The following CAST variants were observed in gnomAD, a reference collection of about 807,000 sequenced individuals.
CAST encodes the protein MIR583 host.
CAST carries 76 observed loss-of-function variants against 119.6 expected under a neutral mutation model. That is an observed-to-expected ratio of 0.64 (90% CI 0.53 to 0.77). CAST has a LOEUF of 0.77. Ranked by LOEUF, CAST falls within the 30% of genes least tolerant of loss-of-function variation. CAST has a pLI of 0.00. For missense variants in CAST, 953 were observed against 946.5 expected (o/e 1.01, Z -0.09); for synonymous variants, 319 against 331.6 (o/e 0.96, Z 0.41).
intron 2 of CAST, among the ~76,000 whole-genome samples, chr5:96,688,326 A>G (rs1752312782): frequency 6.6e-6 from 1 of 152,354 alleles, no homozygotes; most frequent in Middle Eastern, 3.4e-3. Context: ...ATGTGGAACA[A>G]GTGACTGCGT....
At chr5:95,995,905 G>A in the CAST span, among the ~76,000 whole-genome samples, 3 of 152,134 alleles carry the variant, frequency 2.0e-5, no homozygotes, top group Non-Finnish European at 4.4e-5. Flanking sequence ...GAAAAGCCTA[G>A]GTTCTGGAGA....
At position 96,754,799 on chromosome 5, in the gene CAST, G is replaced by A. The variant is rs747070202; in HGVS notation, c.1710+58G>A. 6.0e-4 allele frequency: 580 copies of A among 966,716 alleles called. 3 individuals carry two copies. Among genetic ancestry groups the A allele is most frequent in the Non-Finnish European group, 8.2e-6 (5 of 607,862 alleles). The allele number at this position is 966,716 out of a possible 1,614,324, so 59.9% of individuals were successfully genotyped here. On this transcript the variant is annotated intron_variant, in intron 22 of 31. Transcript: ENST00000675179. ...TTAATTCATACTGAATTCATACACA[G>A]AACAAAGGTACTTGGGAACAGAACT... is the stretch of plus-strand genomic sequence containing the variant.
rs1176595497 is a variant in CAST, at chr5:96,747,343, A to G, written c.1285-2A>G. The G allele has an allele frequency of 1.9e-6, 3 of 1,587,670 alleles. No individual in the cohort carries two copies. The highest frequency in any genetic ancestry group is 2.3e-5 in the South Asian group (2 of 88,740). ...TCCAATGAATTTTAATTTCATTTAC[A>G]GGATAAAGATGGAAAACCACTATTG... On this transcript the variant is annotated splice_acceptor_variant, in intron 17 of 31. Coordinates refer to ENST00000675179, the MANE Select transcript of CAST (RefSeq NM_001750.7). LOFTEE classifies it high-confidence loss of function.
intron 24 of CAST, among the ~76,000 whole-genome samples, chr5:96,760,438 T>C (rs1398386559): frequency 6.6e-6 from 1 of 151,976 alleles, no homozygotes; most frequent in Non-Finnish European, 1.5e-5. Flanking sequence ...GTCTTTAGTT[T>C]TCAGAATCAA....
chr5:96,461,742 CCA>C, the CAST span, among the ~76,000 whole-genome samples: 1 of 152,232 alleles, frequency 6.6e-6, no homozygotes, highest in Admixed American at 6.5e-5. Flanking sequence ...CCCTTCTCAA[CCA>C]TTAGTCAGTG....
the CAST span, among the ~76,000 whole-genome samples, chr5:96,112,913 G>C: frequency 6.6e-6 from 1 of 152,204 alleles, no homozygotes; most frequent in Non-Finnish European, 1.5e-5. Flanking sequence ...GAGATGGAGA[G>C]AGATAATATC....
chr5:96,564,988 T>C (rs555196877), intron 1 of CAST, among the ~76,000 whole-genome samples: 2 of 152,272 alleles, frequency 1.3e-5, no homozygotes, highest in African/African-American at 4.8e-5. Flanking sequence ...AATTAAGCTA[T>C]GCCCTTAGTT....
At chr5:96,194,810 G>A in the CAST span, among the ~76,000 whole-genome samples, 1 of 152,134 alleles carries the variant, frequency 6.6e-6, no homozygotes, top group Admixed American at 6.6e-5. Flanking sequence ...AGCATTTGAG[G>A]GCCACAGTGT....
chr5:96,671,719 C>T (rs1422155072), intron 1 of CAST, among the ~76,000 whole-genome samples: 1 of 152,308 alleles, frequency 6.6e-6, no homozygotes, highest in African/African-American at 2.4e-5. Context: ...TTCTCTTTCC[C>T]CAGCTGTCAA....
At chr5:96,726,086 G>A (rs1759195804) in intron 4 of CAST, among the ~76,000 whole-genome samples, 1 of 152,156 alleles carries the variant, frequency 6.6e-6, no homozygotes, top group Non-Finnish European at 1.5e-5. Flanking sequence ...ACTAGTTTGT[G>A]CTGATACTAC....
At chr5:96,702,784 A>ACCGCC (rs1301282460) in intron 3 of CAST, 6 of 985,142 alleles carry the variant, frequency 6.1e-6, no homozygotes, top group Non-Finnish European at 6.0e-6. Context: ...CCTTCCCGGG[A>ACCGCC]CCGCCCCGCC....
At chr5:96,441,047 A>G in the CAST span, among the ~76,000 whole-genome samples, 3 of 152,196 alleles carry the variant, frequency 2.0e-5, no homozygotes, top group Non-Finnish European at 4.4e-5. Context: ...TGGTTTCCTC[A>G]TTTACGGAAT....
chr5:96,577,341 C>G (rs1019148564), intron 1 of CAST, among the ~76,000 whole-genome samples: 37 of 151,576 alleles, frequency 2.4e-4, no homozygotes, highest in African/African-American at 8.5e-4. Context: ...TAGTTATTTT[C>G]ATTGATTTTC....
At chr5:96,001,406 G>A in the CAST span, among the ~76,000 whole-genome samples, 2 of 152,172 alleles carry the variant, frequency 1.3e-5, no homozygotes, top group African/African-American at 4.8e-5. Context: ...TCAGCTTAAG[G>A]AATGTGCCTG....
the CAST span, among the ~76,000 whole-genome samples, chr5:96,231,841 A>G: frequency 6.6e-6 from 1 of 152,144 alleles, no homozygotes; most frequent in Non-Finnish European, 1.5e-5. Flanking sequence ...ATTACCACCA[A>G]CATATACCAT....
chr5:96,518,693 C>T, the CAST span, among the ~76,000 whole-genome samples: 1 of 152,104 alleles, frequency 6.6e-6, no homozygotes, highest in Admixed American at 6.6e-5. Flanking sequence ...TAATATTGAA[C>T]CCTGCTCAAC....
At chr5:96,686,839 T>C (rs774059099) in intron 2 of CAST, among the ~76,000 whole-genome samples, 1 of 152,176 alleles carries the variant, frequency 6.6e-6, no homozygotes, top group Non-Finnish European at 1.5e-5. Flanking sequence ...TTCCAGACCA[T>C]TGCTATAGGT....
the CAST span, among the ~76,000 whole-genome samples, chr5:96,051,640 AG>A: frequency 1.3e-5 from 2 of 152,176 alleles, no homozygotes; most frequent in East Asian, 3.9e-4. Flanking sequence ...TAAGCCTTTT[AG>A]GGGAGACCGT....
intron 1 of CAST, among the ~76,000 whole-genome samples, chr5:96,601,832 A>G (rs900864377): frequency 1.1e-4 from 16 of 152,354 alleles, no homozygotes; most frequent in Admixed American, 2.6e-4. Flanking sequence ...TTATGTCAGC[A>G]GGGAAAGTTA....
Sources: gnomAD v4.1 joint callset for allele counts (sites outside exome capture counted in the v4.1 genomes callset) on GRCh38, gnomAD v4.1.1 for gene constraint, MANE v1.5 for transcripts, NCBI Gene and HGNC (gene_info 2026-07-23, HGNC 2026-07-21) for gene names.